The following SMARCAL1 variants were observed in gnomAD, a reference collection of about 807,000 sequenced individuals.
SMARCAL1 encodes SNF2 related chromatin remodeling annealing helicase 1, also known as ATP-driven annealing helicase.
SMARCAL1 carries 58 observed loss-of-function variants against 94.5 expected under a neutral mutation model. The observed-to-expected ratio is 0.61, with a 90% CI of 0.50 to 0.76. The LOEUF (loss-of-function observed/expected upper bound fraction) is 0.76. Ranked by LOEUF, SMARCAL1 falls within the 30% of genes least tolerant of loss-of-function variation. The probability of loss-of-function intolerance (pLI) is 0.00; values close to 1 mark genes in which losing one functional copy is unlikely to be tolerated. For synonymous variants in SMARCAL1, 422 were observed against 455.1 expected, an observed-to-expected ratio of 0.93 and a Z score of 0.93; for missense variants, 1,051 against 1,177.9, an observed-to-expected ratio of 0.89 and a Z score of 1.58.
chr2:216,438,156 G>A (rs917467222), intron 9 of SMARCAL1, among the ~76,000 whole-genome samples: 1 of 152,198 alleles, frequency 6.6e-6, no homozygotes, highest in Non-Finnish European at 1.5e-5. Context: ...CTCTGAGGTG[G>A]GCGGAGCAGG....
chr2:216,419,927 G>C (rs1574447349), intron 4 of SMARCAL1, among the ~76,000 whole-genome samples: 1 of 149,170 alleles, frequency 6.7e-6, no homozygotes, highest in African/African-American at 2.5e-5. Flanking sequence ...CTACTGGGGA[G>C]TCTGAGGTGG....
At position 216,468,016 on chromosome 2, in the gene SMARCAL1, G is replaced by A. The variant is rs1694867424; in HGVS notation, c.2214G>A (p.Leu738=). The change falls in exon 14 of 18, where the codon CTG becomes CTA. Residue 738 remains leucine, a synonymous_variant. Transcript: ENST00000357276. ...TATTTGCACACCATAAGGTGGTCCTGGACGCAATTACGCAAGAGCTTGAGA... is the reference window on the plus strand; with the variant it reads ...TATTTGCACACCATAAGGTGGTCCTAGACGCAATTACGCAAGAGCTTGAGA... The part of the protein sequence containing the change: ...FLVFAHHKVV[L]DAITQELERK... The A allele has an allele frequency of 6.2e-7, 1 of 1,613,588 alleles. No homozygotes were observed. The highest frequency in any genetic ancestry group is 1.7e-5 in the Admixed American group (1 of 60,008).
intron 11 of SMARCAL1, among the ~76,000 whole-genome samples, chr2:216,449,155 T>C (rs1694387488): frequency 6.6e-6 from 1 of 152,208 alleles, no homozygotes; most frequent in Non-Finnish European, 1.5e-5. Context: ...CTCTGGTCCT[T>C]TTCTTATAAA....
At chr2:216,453,688 C>CTA (rs1364270678) in intron 12 of SMARCAL1, among the ~76,000 whole-genome samples, 4 of 152,190 alleles carry the variant, frequency 2.6e-5, no homozygotes, top group Non-Finnish European at 5.9e-5. Context: ...CCCTGTGGAT[C>CTA]TATAGAAAGT....
At chr2:216,455,463 C>G (rs1487875115) in intron 12 of SMARCAL1, among the ~76,000 whole-genome samples, 4 of 152,238 alleles carry the variant, frequency 2.6e-5, no homozygotes, top group Non-Finnish European at 5.9e-5. Flanking sequence ...TAGGGGCAGA[C>G]TGACACCTCA....
In SMARCAL1 at chr2:216,432,725, A is replaced by T. The variant is rs370689030; in HGVS notation, c.1342A>T (p.Ile448Leu). The change falls in exon 8 of 18, where the codon ATA (isoleucine) becomes TTA (leucine). Residue 448 changes from isoleucine to leucine, a missense_variant. Ile to Leu is a conservative substitution (Grantham distance 5). Coordinates refer to ENST00000357276, the MANE Select transcript of SMARCAL1 (RefSeq NM_014140.4). Reference protein sequence around the residue: ...PFQRAGVNFAIAKGGRLLLAD... With the variant: ...PFQRAGVNFALAKGGRLLLAD... The stretch of plus-strand genomic sequence containing the variant: ...CACCTTGTCTGCCTTCAGTTTTGCC[A>T]TAGCCAAAGGAGGCCGCCTGCTGCT... 2.5e-6 allele frequency: 4 copies of T among 1,614,114 alleles called. No individual in the cohort carries two copies. The highest frequency in any genetic ancestry group is 2.5e-6 in the Non-Finnish European group (3 of 1,180,032).
chr2:216,420,363 C>A lies in SMARCAL1; in HGVS notation c.927C>A (p.Ser309Arg). ...CTCTGGAATGGGCCTATGGCAGCAGCGAGTCACCCTCCACCAGCAGTGAGG... is the reference window on the plus strand; with the variant it reads ...CTCTGGAATGGGCCTATGGCAGCAGAGAGTCACCCTCCACCAGCAGTGAGG... ...LQPLEWAYGS[S>R]ESPSTSSEGQ... is the part of the protein sequence containing the mutation. Residue 309 changes from serine to arginine, a missense_variant, in exon 5 of 18, where the codon AGC becomes AGA. Coordinates refer to ENST00000357276, the MANE Select transcript of SMARCAL1 (RefSeq NM_014140.4). The A allele has an allele frequency of 6.2e-7, 1 of 1,614,176 alleles. No homozygotes were observed. The highest frequency in any genetic ancestry group is 8.5e-7 in the Non-Finnish European group (1 of 1,180,036).
chr2:216,447,263 G>A (rs1694339448), intron 11 of SMARCAL1, 105 bp downstream of exon 11: 1 of 1,372,828 alleles, frequency 7.3e-7, no homozygotes, highest in Non-Finnish European at 1.0e-6. Flanking sequence ...GAAGAGCACT[G>A]GCCAGGGGAA....
At chr2:216,452,762 A>G (rs1694478096) in intron 12 of SMARCAL1, among the ~76,000 whole-genome samples, 1 of 152,240 alleles carries the variant, frequency 6.6e-6, no homozygotes, top group East Asian at 1.9e-4. Context: ...GCTTAGTGCA[A>G]CAAGATCTGA....
intron 6 of SMARCAL1, among the ~76,000 whole-genome samples, chr2:216,425,990 C>G (rs1208053376): frequency 1.3e-5 from 2 of 152,190 alleles, no homozygotes; most frequent in African/African-American, 4.8e-5. Context: ...CTGCTGTTAT[C>G]AGCTGGAATT....
At chr2:216,439,012 C>T (rs1232405702) in intron 10 of SMARCAL1, among the ~76,000 whole-genome samples, 2 of 152,172 alleles carry the variant, frequency 1.3e-5, no homozygotes, top group African/African-American at 4.8e-5. Context: ...CAGCGAGATA[C>T]ACTGGCAAAG....
chr2:216,415,579 T>A (rs1693581683), intron 3 of SMARCAL1, 64 bp downstream of exon 3: 1 of 1,370,956 alleles, frequency 7.3e-7, no homozygotes, highest in South Asian at 1.2e-5. Flanking sequence ...TCTTTTAATC[T>A]AACAGTTTCT....
At chr2:216,447,583 G>C (rs576212524) in intron 11 of SMARCAL1, among the ~76,000 whole-genome samples, 2 of 152,208 alleles carry the variant, frequency 1.3e-5, no homozygotes, top group African/African-American at 4.8e-5. Context: ...GAGGCCCCAG[G>C]CAGAGGGAAG....
At chr2:216,430,368 G>A (rs1280747470) in intron 7 of SMARCAL1, among the ~76,000 whole-genome samples, 1 of 152,168 alleles carries the variant, frequency 6.6e-6, no homozygotes. Context: ...AGAAATATCA[G>A]CATCTTCTAA....
chr2:216,436,307 T>C (rs1694081058), intron 9 of SMARCAL1, among the ~76,000 whole-genome samples: 1 of 152,196 alleles, frequency 6.6e-6, no homozygotes, highest in Non-Finnish European at 1.5e-5. Context: ...TGGACCTGCT[T>C]CCAGATTTGA....
At chr2:216,449,378 C>CT (rs968321901) in intron 11 of SMARCAL1, among the ~76,000 whole-genome samples, 1,611 of 144,540 alleles carry the variant, frequency 0.011, 30 homozygotes, top group African/African-American at 0.036. Context: ...CCAGGGCTGC[C>CT]TTTTTTTTTT....
chr2:216,455,265 C>T (rs1275457347), intron 12 of SMARCAL1, among the ~76,000 whole-genome samples: 1 of 152,208 alleles, frequency 6.6e-6, no homozygotes, highest in Non-Finnish European at 1.5e-5. Context: ...GTAGACTCCA[C>T]CTCTGGAGGC....
intron 16 of SMARCAL1, among the ~76,000 whole-genome samples, 180 bp downstream of exon 16, chr2:216,477,389 G>A (rs1212366072): frequency 1.3e-5 from 2 of 152,172 alleles, no homozygotes; most frequent in African/African-American, 2.4e-5. Context: ...TCCCTCACTA[G>A]CGTTCACTGG....
intron 12 of SMARCAL1, among the ~76,000 whole-genome samples, chr2:216,459,283 C>T (rs1694644402): frequency 6.6e-6 from 1 of 152,130 alleles, no homozygotes; most frequent in East Asian, 1.9e-4. Context: ...AGATTCAATG[C>T]CGTCCCCATC....
Sources: allele counts gnomAD v4.1 joint callset (sites outside exome capture counted in the v4.1 genomes callset), GRCh38; gene constraint gnomAD v4.1.1; transcripts MANE v1.5; gene names NCBI Gene and HGNC (gene_info 2026-07-23, HGNC 2026-07-21).